Variants in VASH2 observed in about 807,000 individuals in gnomAD.
VASH2 encodes the protein vasohibin 2.
VASH2 carries 28 observed loss-of-function variants against 37.2 expected under a neutral mutation model. The ratio of observed to expected loss-of-function variants is 0.75; its 90% CI spans 0.56 to 1.03. VASH2 has a LOEUF of 1.03. Among genes scored for constraint, VASH2 ranks in the 50% least tolerant of loss-of-function variants. VASH2 has a pLI of 0.00. For synonymous variants in VASH2, 188 were observed against 174.7 expected (o/e 1.08, Z -0.60); for missense variants, 419 against 459.1 (o/e 0.91, Z 0.80).
chr1:212,956,539 A>G (rs1666501867), intron 2 of VASH2, among the ~76,000 whole-genome samples: 1 of 152,188 alleles, frequency 6.6e-6, no homozygotes, highest in African/African-American at 2.4e-5. Flanking sequence ...ACAGCAATTG[A>G]TGAAATCTGG....
At chr1:212,953,171 G>A (rs1192138625) in intron 2 of VASH2, among the ~76,000 whole-genome samples, 6 of 151,914 alleles carry the variant, frequency 3.9e-5, no homozygotes, top group East Asian at 1.9e-4. Context: ...AGTAGCACCC[G>A]TACCAACCCT....
At position 212,972,716 on chromosome 1, in the gene VASH2, A is replaced by G; in HGVS notation, c.634A>G (p.Arg212Gly). ...CTATGGCTCATTGGGCATGAGCCGCAGGGCTGAGCTGATGGACAAGCCATT... is the reference window on the plus strand; with the variant it reads ...CTATGGCTCATTGGGCATGAGCCGCGGGGCTGAGCTGATGGACAAGCCATT... ...GRYGSLGMSR[R>G]AELMDKPLTF... Residue 212 changes from arginine (R) to glycine (G), a missense_variant, in exon 6 of 8, where the codon AGG (arginine) becomes GGG (glycine). Arg to Gly is a moderately radical substitution (Grantham distance 125). Transcript: ENST00000517399. The G allele has an allele frequency of 1.2e-6, 2 of 1,614,200 alleles. No individual in the cohort carries two copies. Among genetic ancestry groups the G allele is most frequent in the Non-Finnish European group, 1.7e-6 (2 of 1,180,044 alleles).
intron 2 of VASH2, among the ~76,000 whole-genome samples, chr1:212,954,475 C>T (rs924243130): frequency 2.0e-5 from 3 of 152,180 alleles, no homozygotes; most frequent in African/African-American, 7.2e-5. Flanking sequence ...GGCTGGAGTG[C>T]AGTGGTGCGA....
intron 7 of VASH2, among the ~76,000 whole-genome samples, chr1:212,987,535 C>T (rs1461581565): frequency 1.3e-5 from 2 of 152,116 alleles, no homozygotes; most frequent in Non-Finnish European, 2.9e-5. Context: ...GATTGTGCCA[C>T]GGCACTCTAG....
At chr1:212,959,327 C>A (rs1217693741) in intron 2 of VASH2, among the ~76,000 whole-genome samples, 3 of 152,094 alleles carry the variant, frequency 2.0e-5, no homozygotes, top group Admixed American at 2.0e-4. Flanking sequence ...TGCCTTGCCC[C>A]CTGAAATGAC....
intron 6 of VASH2, chr1:212,973,282 T>C: frequency 1.0e-6 from 1 of 972,620 alleles, no homozygotes; most frequent in Non-Finnish European, 1.4e-6. Context: ...CTGCGGGTTT[T>C]CCCAGGACAT....
intron 7 of VASH2, among the ~76,000 whole-genome samples, chr1:212,977,801 A>G (rs1667223188): frequency 6.6e-6 from 1 of 152,188 alleles, no homozygotes; most frequent in Non-Finnish European, 1.5e-5. Context: ...GATTCAGCAC[A>G]TATGGGATGG....
Position 212,968,752 on chromosome 1 carries a change from C to T in VASH2, c.497+2407C>T, listed in dbSNP as rs558968855. The T allele has an allele frequency of 1.1e-3, 1,118 of 985,452 alleles. 3 individuals carry two copies. The highest frequency in any genetic ancestry group is 1.3e-3 in the Non-Finnish European group (1,055 of 829,950). The allele number at this position is 985,452 out of a possible 1,614,324, so 61.0% of individuals were successfully genotyped here. ...AGCCACAGCTGTTCAGCGAAGCCTC[C>T]TGCAAGTTTAATGGGGGCAGATGAT... On this transcript the variant is annotated intron_variant, in intron 5 of 7. Transcript: ENST00000517399.
intron 2 of VASH2, among the ~76,000 whole-genome samples, chr1:212,956,631 C>T (rs1354471626): frequency 6.6e-6 from 1 of 152,162 alleles, no homozygotes; most frequent in Non-Finnish European, 1.5e-5. Context: ...AAGGTTGCAC[C>T]AATTTATGTT....
intron 2 of VASH2, among the ~76,000 whole-genome samples, chr1:212,954,149 G>T (rs1450689251): frequency 6.6e-6 from 1 of 152,166 alleles, no homozygotes; most frequent in African/African-American, 2.4e-5. Flanking sequence ...CTAGGCTCGA[G>T]CGATTCTCCC....
At chr1:212,984,439 T>C (rs1264454250) in intron 7 of VASH2, among the ~76,000 whole-genome samples, 1 of 152,182 alleles carries the variant, frequency 6.6e-6, no homozygotes, top group African/African-American at 2.4e-5. Flanking sequence ...TCCCTGAGCC[T>C]ACCCTGTAGG....
At chr1:212,965,678 C>T (rs139413349) in intron 3 of VASH2, 44 bp from the exon 4 acceptor site, 11 of 1,495,360 alleles carry the variant, frequency 7.4e-6, no homozygotes, top group Admixed American at 3.9e-5. Context: ...ATTACTGGGA[C>T]CTTTGGAGTT....
At position 212,972,742 on chromosome 1, in the gene VASH2, G is replaced by C; in HGVS notation, c.660G>C (p.Leu220Phe). 3 of 1,614,212 alleles carry C rather than the reference G, an allele frequency of 1.9e-6. No homozygotes were observed. The highest frequency in any genetic ancestry group is 2.5e-6 in the Non-Finnish European group (3 of 1,180,040). Reference sequence around the variant, plus strand: ...GGGCTGAGCTGATGGACAAGCCATTGACTTTTCGGACTCTGAGTGACCTCA... The same window carrying C: ...GGGCTGAGCTGATGGACAAGCCATTCACTTTTCGGACTCTGAGTGACCTCA... ...SRRAELMDKP[L>F]TFRTLSDLIF... The change falls in exon 6 of 8, where the codon TTG (leucine) becomes TTC (phenylalanine). Residue 220 changes from leucine (L) to phenylalanine (F), a missense_variant. By Grantham distance (22) the Leu-to-Phe change is conservative. Transcript: ENST00000517399.
intron 6 of VASH2, chr1:212,973,383 C>G (rs1282071748): frequency 7.7e-7 from 1 of 1,291,668 alleles, no homozygotes; most frequent in Non-Finnish European, 1.0e-6. Flanking sequence ...TCAGTTTTAC[C>G]TCCAAAGTGA....
chr1:212,961,216 C>T lies in VASH2; in HGVS notation c.327C>T (p.Asp109=). The change falls in exon 3 of 8, where the codon GAC becomes GAT. Residue 109 remains aspartate (D), a synonymous_variant. Transcript: ENST00000517399. The part of the protein sequence containing the change: ...PNYRLSMTIP[D]WLQAIQNYMK... ...ACAGGCTGTCGATGACGATCCCAGA[C>T]TGGCTCCAGGCGATCCAGAATTACA... 2 of 1,614,242 alleles carry T rather than the reference C, an allele frequency of 1.2e-6. No individual in the cohort carries two copies. The highest frequency in any genetic ancestry group is 1.7e-6 in the Non-Finnish European group (2 of 1,180,038).
intron 5 of VASH2, chr1:212,967,087 C>G: frequency 7.7e-7 from 1 of 1,303,732 alleles, no homozygotes; most frequent in Non-Finnish European, 1.0e-6. Context: ...GGAGACCAAG[C>G]AGTGGTGGTG....
intron 5 of VASH2, among the ~76,000 whole-genome samples, chr1:212,970,117 G>C (rs957648385): frequency 6.6e-6 from 1 of 152,182 alleles, no homozygotes; most frequent in African/African-American, 2.4e-5. Context: ...TTCATTATGA[G>C]AGGCAGGTTA....
chr1:212,976,443 C>T (rs1201949818), intron 7 of VASH2, among the ~76,000 whole-genome samples: 1 of 152,072 alleles, frequency 6.6e-6, no homozygotes, highest in Non-Finnish European at 1.5e-5. Flanking sequence ...ATTAGCCAGG[C>T]ATGGTGATGC....
At chr1:212,965,676 G>A in intron 3 of VASH2, 46 bp from the exon 4 acceptor site, 1 of 1,490,350 alleles carries the variant, frequency 6.7e-7, no homozygotes, top group Non-Finnish European at 9.2e-7. Flanking sequence ...ACATTACTGG[G>A]ACCTTTGGAG....
Sources: gnomAD v4.1 joint callset for allele counts (sites outside exome capture counted in the v4.1 genomes callset) on GRCh38, gnomAD v4.1.1 for gene constraint, MANE v1.5 for transcripts, NCBI Gene and HGNC (gene_info 2026-07-23, HGNC 2026-07-21) for gene names.